The following NDE1 variants were observed in gnomAD, a reference collection of about 807,000 sequenced individuals.
NDE1 encodes the protein nudE neurodevelopment protein 1.
NDE1 carries 28 observed loss-of-function variants against 43.4 expected under a neutral mutation model. That is an observed-to-expected ratio of 0.65 (90% CI 0.48 to 0.89). The LOEUF (loss-of-function observed/expected upper bound fraction) is 0.89. Ranked by LOEUF, NDE1 falls within the 40% of genes least tolerant of loss-of-function variation. The pLI, the probability that NDE1 is intolerant of heterozygous loss-of-function variation, is 0.00. For missense variants in NDE1, 441 were observed against 434.1 expected, an observed-to-expected ratio of 1.02 and a Z score of -0.14; for synonymous variants, 184 against 172.0, an observed-to-expected ratio of 1.07 and a Z score of -0.55.
intron 6 of NDE1, among the ~76,000 whole-genome samples, chr16:15,691,861 T>G (rs2038771051): frequency 1.3e-5 from 2 of 151,768 alleles, no homozygotes; most frequent in Non-Finnish European, 1.5e-5. Flanking sequence ...ATTCCTGGAC[T>G]CAAGTGATCC....
At chr16:15,710,531 TAAA>T (rs773294124) in intron 8 of NDE1, among the ~76,000 whole-genome samples, 2 of 151,232 alleles carry the variant, frequency 1.3e-5, no homozygotes, top group Non-Finnish European at 2.9e-5. Flanking sequence ...AAATAAATAA[TAAA>T]AAGAAAAGAA....
intron 8 of NDE1, among the ~76,000 whole-genome samples, chr16:15,705,306 C>T (rs1381575777): frequency 1.3e-5 from 2 of 152,124 alleles, no homozygotes; most frequent in Non-Finnish European, 2.9e-5. Flanking sequence ...TAGCTCCAGC[C>T]AGTAGGACAC....
intron 3 of NDE1, among the ~76,000 whole-genome samples, chr16:15,669,024 C>T (rs578104128): frequency 2.7e-5 from 4 of 149,536 alleles, no homozygotes; most frequent in Admixed American, 1.3e-4. Context: ...CTCAGCCTCC[C>T]GAGTAGCTAG....
intron 3 of NDE1, among the ~76,000 whole-genome samples, chr16:15,667,695 G>A (rs1026390896): frequency 5.4e-5 from 8 of 147,910 alleles, no homozygotes; most frequent in South Asian, 2.2e-4. Context: ...GCAGTGGCGC[G>A]ATCTTGGCTC....
rs1324030076 is a variant in NDE1, at chr16:15,724,309, T to C, written c.*58T>C. Reference sequence around the variant, plus strand: ...AGCGGCCGCCTTCTCCTCGTACTGCTGGGTGAGGTTCTCGATCTCCTTCTG... The same window carrying C: ...AGCGGCCGCCTTCTCCTCGTACTGCCGGGTGAGGTTCTCGATCTCCTTCTG... On this transcript the variant is annotated 3_prime_UTR_variant, in exon 9 of 9. Transcript: ENST00000396354. 6.2e-7 allele frequency: 1 copy of C among 1,614,182 alleles called. No individual in the cohort carries two copies. The highest frequency in any genetic ancestry group is 8.5e-7 in the Non-Finnish European group (1 of 1,180,016).
At chr16:15,660,676 G>A (rs2036998027) in intron 1 of NDE1, among the ~76,000 whole-genome samples, 5 of 152,076 alleles carry the variant, frequency 3.3e-5, no homozygotes, top group African/African-American at 9.7e-5. Flanking sequence ...CCTCCACTGT[G>A]TAGAAACTGT....
At chr16:15,689,117 G>T (rs1358452665) in intron 5 of NDE1, among the ~76,000 whole-genome samples, 1 of 152,136 alleles carries the variant, frequency 6.6e-6, no homozygotes, top group Non-Finnish European at 1.5e-5. Context: ...CAGTAATGAA[G>T]TGGTTAAATG....
In NDE1 at chr16:15,677,834, C is replaced by T. The variant is rs763555909; in HGVS notation, c.271C>T (p.Arg91Trp). The T allele has an allele frequency of 1.1e-5, 17 of 1,614,056 alleles. No individual in the cohort carries two copies. The highest frequency in any genetic ancestry group is 7.7e-5 in the South Asian group (7 of 91,078). The change falls in exon 4 of 9, where the codon CGG becomes TGG. Residue 91 changes from arginine to tryptophan, a missense_variant. Physicochemically the swap from Arg to Trp is moderately radical, Grantham distance 101. Coordinates refer to ENST00000396354, the MANE Select transcript of NDE1 (RefSeq NM_017668.3). ...TGAAGTGCAGCACTCTGAAGGCTACCGGCAGATCTCAGCCTTGGAGGATGA... is the reference window on the plus strand; with the variant it reads ...TGAAGTGCAGCACTCTGAAGGCTACTGGCAGATCTCAGCCTTGGAGGATGA... ...KFEVQHSEGY[R>W]QISALEDDLA...
At position 15,660,174 on chromosome 16, in the gene NDE1, T is replaced by C. The variant is rs535186892; in HGVS notation, c.-43-4562T>C. On this transcript the variant is annotated intron_variant, in intron 1 of 8. Transcript: ENST00000396354. Reference sequence around the variant, plus strand: ...GGAGTATACAAACCGTTAGCCCAACTGTTAATAGAAGTCTGCTTTCTTGCT... The same window carrying C: ...GGAGTATACAAACCGTTAGCCCAACCGTTAATAGAAGTCTGCTTTCTTGCT... Among the ~76,000 whole-genome samples, 5 of 152,152 alleles carry C rather than the reference T, an allele frequency of 3.3e-5. No individual in the cohort carries two copies. In the East Asian group the frequency reaches 5.8e-4, roughly 18 times the overall value.
intron 8 of NDE1, among the ~76,000 whole-genome samples, chr16:15,715,701 C>T (rs775610304): frequency 3.3e-5 from 5 of 152,154 alleles, no homozygotes; most frequent in Non-Finnish European, 7.4e-5. Context: ...AATGCCTGCT[C>T]TTCACCCTAG....
upstream of NDE1, among the ~76,000 whole-genome samples, chr16:15,645,449 G>A (rs1452214009): frequency 6.6e-6 from 1 of 152,110 alleles, no homozygotes. Flanking sequence ...GAGCAACATG[G>A]TGTGACACTT....
Position 15,725,194 on chromosome 16 carries a change from C to A in NDE1, c.*943C>A. 1.6e-6 allele frequency: 1 copy of A among 619,838 alleles called. No individual in the cohort carries two copies. Among genetic ancestry groups the A allele is most frequent in the Admixed American group, 2.8e-5 (1 of 35,238 alleles). 38.4% of individuals were successfully genotyped at this position (619,838 alleles called of 1,614,324 possible). ...AACAGAATCTGTGGCTTGAAGGGAA[C>A]TCCGTCACCTATGAGTTGGGACCCT... On this transcript the variant is annotated 3_prime_UTR_variant, in exon 9 of 9. Transcript: ENST00000396354.
At chr16:15,677,773 T>C in intron 3 of NDE1, 28 bp from the exon 4 acceptor site, 1 of 1,613,838 alleles carries the variant, frequency 6.2e-7, no homozygotes, top group Non-Finnish European at 8.5e-7. Context: ...TCTTAAGTCA[T>C]TCACTCAGTG....
At chr16:15,674,605 G>A (rs916681604) in intron 3 of NDE1, among the ~76,000 whole-genome samples, 1 of 152,114 alleles carries the variant, frequency 6.6e-6, no homozygotes, top group African/African-American at 2.4e-5. Context: ...ATGCTACAAC[G>A]GAGAGTCCTG....
At chr16:15,688,885 A>G (rs34524068) in intron 5 of NDE1, among the ~76,000 whole-genome samples, 86,593 of 150,220 alleles carry the variant, frequency 0.58, 25,282 homozygotes, top group Middle Eastern at 0.68. Flanking sequence ...TTTAATAGAG[A>G]TGGGGTTTCA....
intron 3 of NDE1, among the ~76,000 whole-genome samples, chr16:15,673,664 C>G (rs1351065095): frequency 3.3e-5 from 5 of 151,902 alleles, no homozygotes; most frequent in African/African-American, 1.2e-4. Flanking sequence ...TCCCCCATAG[C>G]TAGGACTGCA....
intron 4 of NDE1, among the ~76,000 whole-genome samples, chr16:15,681,063 C>T (rs926436247): frequency 2.0e-5 from 3 of 149,358 alleles, no homozygotes; most frequent in African/African-American, 7.4e-5. Flanking sequence ...AGGGAAGTCT[C>T]CTTGGTTCTT....
At chr16:15,686,852 C>A in intron 4 of NDE1, 2 of 471,396 alleles carry the variant, frequency 4.2e-6, no homozygotes, top group Non-Finnish European at 5.5e-6. Flanking sequence ...CTACAACTGG[C>A]TAATTTTTGT....
rs766965358 is a variant in NDE1, at chr16:15,720,318, C to G, written c.948-3873C>G. 8 of 1,612,986 alleles carry G rather than the reference C, an allele frequency of 5.0e-6. No homozygotes were observed. The East Asian group carries it at 1.8e-4, about 36-fold the overall frequency. The stretch of plus-strand genomic sequence containing the variant: ...TCCGTCTCATACTCGTGAAGCTGGG[C>G]GAGGAATAGAGATGTGTGCTGCCCC... On this transcript the variant is annotated intron_variant, in intron 8 of 8. Coordinates refer to ENST00000396354, the MANE Select transcript of NDE1 (RefSeq NM_017668.3).
Sources: gnomAD v4.1 joint callset for allele counts (sites outside exome capture counted in the v4.1 genomes callset) on GRCh38, gnomAD v4.1.1 for gene constraint, MANE v1.5 for transcripts, NCBI Gene and HGNC (gene_info 2026-07-23, HGNC 2026-07-21) for gene names.